Variants in BCKDHB observed in about 807,000 individuals in gnomAD.
BCKDHB encodes 2-oxoisovalerate dehydrogenase subunit beta, mitochondrial.
A neutral mutation model predicts 48.5 loss-of-function variants in BCKDHB; 41 were observed. The observed-to-expected ratio is 0.85, with a 90% CI of 0.66 to 1.10. The LOEUF (loss-of-function observed/expected upper bound fraction) is 1.10. BCKDHB is among the 50% of genes least tolerant of loss of function. BCKDHB has a pLI of 0.00. For missense variants in BCKDHB, 496 were observed against 494.2 expected, an observed-to-expected ratio of 1.00 and a Z score of -0.03; for synonymous variants, 201 against 174.8, an observed-to-expected ratio of 1.15 and a Z score of -1.18.
At chr6:80,413,921 T>A in the BCKDHB span, among the ~76,000 whole-genome samples, 1 of 152,220 alleles carries the variant, frequency 6.6e-6, no homozygotes, top group Non-Finnish European at 1.5e-5. Context: ...CTACGAATGT[T>A]GCCTAGGCAT....
At chr6:80,113,738 A>G (rs1769536894) in intron 1 of BCKDHB, among the ~76,000 whole-genome samples, 1 of 152,212 alleles carries the variant, frequency 6.6e-6, no homozygotes, top group African/African-American at 2.4e-5. Flanking sequence ...AAGCAACAAA[A>G]GCCGAGATTT....
At chr6:80,434,728 C>A in the BCKDHB span, among the ~76,000 whole-genome samples, 1 of 152,248 alleles carries the variant, frequency 6.6e-6, no homozygotes, top group South Asian at 2.1e-4. Flanking sequence ...TAAGGCAGTA[C>A]CTTCGGGAAC....
chr6:80,360,873 T>A, the BCKDHB span, among the ~76,000 whole-genome samples: 1 of 151,534 alleles, frequency 6.6e-6, no homozygotes, highest in African/African-American at 2.4e-5. Flanking sequence ...GGTGTGGTGG[T>A]ACATGCCTGT....
chr6:80,241,036 C>T (rs1293354041), intron 8 of BCKDHB, among the ~76,000 whole-genome samples: 6 of 152,016 alleles, frequency 3.9e-5, no homozygotes, highest in Non-Finnish European at 5.9e-5. Flanking sequence ...TCCACTTGAT[C>T]GAATCGGCCA....
At chr6:80,179,063 C>T (rs1378273734) in intron 6 of BCKDHB, among the ~76,000 whole-genome samples, 1 of 152,052 alleles carries the variant, frequency 6.6e-6, no homozygotes, top group Admixed American at 6.6e-5. Flanking sequence ...CCCTCTGTTA[C>T]CCAGGATGGA....
intron 3 of BCKDHB, among the ~76,000 whole-genome samples, chr6:80,160,071 G>A (rs1051050515): frequency 2.6e-5 from 4 of 152,180 alleles, no homozygotes; most frequent in African/African-American, 9.7e-5. Context: ...ACTAATTAAA[G>A]CTTCTGAAAA....
intron 6 of BCKDHB, among the ~76,000 whole-genome samples, chr6:80,172,946 T>C (rs1481856247): frequency 1.3e-5 from 2 of 152,122 alleles, no homozygotes; most frequent in Non-Finnish European, 2.9e-5. Flanking sequence ...AATAGGAAAA[T>C]ATCAATGATA....
chr6:80,314,332 G>T (rs1768326090), intron 9 of BCKDHB, among the ~76,000 whole-genome samples: 1 of 152,202 alleles, frequency 6.6e-6, no homozygotes. Context: ...GAGTAATCTG[G>T]CTGCGTTTTG....
chr6:80,431,498 G>C, the BCKDHB span, among the ~76,000 whole-genome samples: 1 of 152,270 alleles, frequency 6.6e-6, no homozygotes, highest in South Asian at 2.1e-4. Context: ...ATGAATCTGG[G>C]TGCTCCTGTA....
At chr6:80,230,424 A>T (rs1775878193) in intron 8 of BCKDHB, among the ~76,000 whole-genome samples, 1 of 152,026 alleles carries the variant, frequency 6.6e-6, no homozygotes, top group Non-Finnish European at 1.5e-5. Context: ...AGTGAAGAAG[A>T]TTTTCTATTG....
the BCKDHB span, among the ~76,000 whole-genome samples, chr6:80,391,059 C>A: frequency 6.6e-6 from 1 of 152,142 alleles, no homozygotes; most frequent in Admixed American, 6.6e-5. Flanking sequence ...TTCTGAGACT[C>A]AGACTGACTT....
the BCKDHB span, among the ~76,000 whole-genome samples, chr6:80,383,751 C>T: frequency 6.6e-6 from 1 of 151,820 alleles, no homozygotes; most frequent in Admixed American, 6.6e-5. Context: ...CTACTGTGTC[C>T]CACGTCACAT....
chr6:80,169,158 C>A, intron 5 of BCKDHB, 128 bp downstream of exon 5: 1 of 1,282,782 alleles, frequency 7.8e-7, no homozygotes, highest in Non-Finnish European at 1.1e-6. Flanking sequence ...GTGAACTTAA[C>A]TGTATTTAAG....
the BCKDHB span, among the ~76,000 whole-genome samples, chr6:80,366,553 A>G: frequency 9.9e-5 from 15 of 152,218 alleles, no homozygotes; most frequent in Non-Finnish European, 2.9e-5. Context: ...TTATGCATAA[A>G]GTGATTTACA....
intron 9 of BCKDHB, among the ~76,000 whole-genome samples, chr6:80,327,672 A>G (rs1317162589): frequency 6.6e-6 from 1 of 152,076 alleles, no homozygotes; most frequent in Non-Finnish European, 1.5e-5. Flanking sequence ...AGGAATTCTC[A>G]TACTTCTCTT....
At chr6:80,323,836 C>G (rs1021772670) in intron 9 of BCKDHB, among the ~76,000 whole-genome samples, 11 of 152,132 alleles carry the variant, frequency 7.2e-5, no homozygotes, top group Admixed American at 3.3e-4. Context: ...GCAGTGGCGC[C>G]ATCTTGGCTC....
chr6:80,294,148 G>C (rs1420706932), intron 9 of BCKDHB, among the ~76,000 whole-genome samples: 1 of 152,202 alleles, frequency 6.6e-6, no homozygotes, highest in African/African-American at 2.4e-5. Flanking sequence ...CAGGAAGTCA[G>C]GGACCCCGAA....
chr6:80,148,920 A>G lies in BCKDHB; in HGVS notation c.344-18758A>G, dbSNP rs549941340. 2.6e-5 allele frequency among the ~76,000 whole-genome samples: 4 copies of G among 152,350 alleles called. No homozygotes were observed. The East Asian group carries it at 5.8e-4, about 22-fold the overall frequency. ...GGACATAGGCATGGACAAGGACTTC[A>G]TGTCTAAAACACCAAAATCAATGGC... On this transcript the variant is annotated intron_variant, in intron 3 of 9. Coordinates refer to ENST00000320393, the MANE Select transcript of BCKDHB (RefSeq NM_183050.4).
the BCKDHB span, among the ~76,000 whole-genome samples, chr6:80,381,809 A>G: frequency 6.6e-6 from 1 of 152,160 alleles, no homozygotes; most frequent in Admixed American, 6.5e-5. Context: ...TTTTATTAAC[A>G]ATCCTAAGAT....
Sources: allele counts gnomAD v4.1 joint callset (sites outside exome capture counted in the v4.1 genomes callset), GRCh38; gene constraint gnomAD v4.1.1; transcripts MANE v1.5; gene names NCBI Gene and HGNC (gene_info 2026-07-23, HGNC 2026-07-21).